The following RBFOX1 variants were observed in gnomAD, a reference collection of about 807,000 sequenced individuals.
The protein encoded by RBFOX1 is RNA binding fox-1 homolog 1.
In RBFOX1, 8 loss-of-function variants were observed where a neutral mutation model predicts 57.7. That is an observed-to-expected ratio of 0.14 (90% CI 0.08 to 0.25). The LOEUF (loss-of-function observed/expected upper bound fraction) is 0.25, where lower values mean the gene tolerates loss of function less well. Ranked by LOEUF, RBFOX1 falls within the 10% of genes least tolerant of loss-of-function variation. RBFOX1 has a pLI of 1.00. For missense variants in RBFOX1, 611 were observed against 548.5 expected, an observed-to-expected ratio of 1.11 and a Z score of -1.14; for synonymous variants, 326 against 222.4, an observed-to-expected ratio of 1.47 and a Z score of -4.15.
chr16:6,814,846 C>G (rs1402814699), intron 3 of RBFOX1, among the ~76,000 whole-genome samples: 1 of 152,036 alleles, frequency 6.6e-6, no homozygotes, highest in Non-Finnish European at 1.5e-5. Context: ...GGGTCCTGAT[C>G]CAGACGCCAA....
intron 3 of RBFOX1, among the ~76,000 whole-genome samples, chr16:5,623,870 G>C (rs1383134921): frequency 1.3e-5 from 2 of 152,116 alleles, no homozygotes; most frequent in Non-Finnish European, 2.9e-5. Context: ...TTCATATACA[G>C]TACAATTCAC....
At chr16:7,140,911 G>C (rs1003262934) in intron 4 of RBFOX1, among the ~76,000 whole-genome samples, 5 of 152,148 alleles carry the variant, frequency 3.3e-5, no homozygotes, top group African/African-American at 1.2e-4. Context: ...CTTTCCCAAA[G>C]GGATTCAAGC....
intron 2 of RBFOX1, among the ~76,000 whole-genome samples, chr16:5,591,981 T>A (rs1266048045): frequency 6.6e-6 from 1 of 152,246 alleles, no homozygotes; most frequent in African/African-American, 2.4e-5. Context: ...CCCTAGAGTC[T>A]TATAATTTCC....
intron 2 of RBFOX1, among the ~76,000 whole-genome samples, chr16:6,384,551 C>G (rs2092106278): frequency 1.3e-5 from 2 of 152,118 alleles, no homozygotes; most frequent in Non-Finnish European, 2.9e-5. Flanking sequence ...GGAGCTTACA[C>G]AATTACTTCT....
chr16:7,356,326 G>C (rs2097213791), intron 4 of RBFOX1, among the ~76,000 whole-genome samples: 1 of 152,104 alleles, frequency 6.6e-6, no homozygotes, highest in South Asian at 2.1e-4. Flanking sequence ...TGAAATGAGA[G>C]GTATGCCCCA....
intron 3 of RBFOX1, among the ~76,000 whole-genome samples, chr16:6,721,321 T>C (rs1450061531): frequency 6.6e-6 from 1 of 152,082 alleles, no homozygotes; most frequent in Non-Finnish European, 1.5e-5. Flanking sequence ...CGGGTGCCTG[T>C]AATCCCAACT....
chr16:6,128,100 A>G (rs561601430), intron 1 of RBFOX1, among the ~76,000 whole-genome samples: 1 of 152,330 alleles, frequency 6.6e-6, no homozygotes, highest in African/African-American at 2.4e-5. Context: ...AAATTGAGGC[A>G]TATCTCTAAA....
intron 4 of RBFOX1, among the ~76,000 whole-genome samples, chr16:7,154,547 A>G (rs890209793): frequency 2.0e-5 from 3 of 152,188 alleles, no homozygotes; most frequent in Non-Finnish European, 4.4e-5. Flanking sequence ...GAGTTGTTAG[A>G]TAGTCTTCCT....
intron 3 of RBFOX1, among the ~76,000 whole-genome samples, chr16:6,989,973 C>G (rs982188933): frequency 2.6e-5 from 4 of 152,118 alleles, no homozygotes; most frequent in African/African-American, 9.7e-5. Context: ...CGCACTCCAG[C>G]CTGGGTGACA....
chr16:7,146,868 T>G (rs1271996789), intron 4 of RBFOX1, among the ~76,000 whole-genome samples: 3 of 149,914 alleles, frequency 2.0e-5, no homozygotes, highest in Non-Finnish European at 4.4e-5. Flanking sequence ...GAGGATCATC[T>G]GAACCAGGAG....
At chr16:6,951,820 G>C (rs1039744673) in intron 3 of RBFOX1, among the ~76,000 whole-genome samples, 2 of 152,038 alleles carry the variant, frequency 1.3e-5, no homozygotes, top group African/African-American at 2.4e-5. Context: ...TGCAACCTCC[G>C]CCTCCTGGGT....
At chr16:7,505,162 C>T (rs888094388) in intron 4 of RBFOX1, among the ~76,000 whole-genome samples, 4 of 148,634 alleles carry the variant, frequency 2.7e-5, no homozygotes, top group African/African-American at 1.0e-4. Context: ...ATTTTGAATG[C>T]TTTTGTACAT....
chr16:5,564,999 G>C (rs1276323569), intron 2 of RBFOX1, among the ~76,000 whole-genome samples: 2 of 152,130 alleles, frequency 1.3e-5, no homozygotes, highest in Non-Finnish European at 2.9e-5. Context: ...ACTTCAAAGA[G>C]CCCTAGCCAC....
At chr16:5,736,368 C>G (rs2052571663) in intron 3 of RBFOX1, among the ~76,000 whole-genome samples, 1 of 152,106 alleles carries the variant, frequency 6.6e-6, no homozygotes, top group Admixed American at 6.5e-5. Flanking sequence ...TTTTTACTTT[C>G]CTAAAAGTGC....
intron 4 of RBFOX1, among the ~76,000 whole-genome samples, chr16:7,178,178 A>G (rs952092567): frequency 1.3e-5 from 2 of 152,232 alleles, no homozygotes; most frequent in Non-Finnish European, 2.9e-5. Flanking sequence ...TTGCTCATGC[A>G]AAGCCCACCA....
intron 4 of RBFOX1, among the ~76,000 whole-genome samples, chr16:7,222,013 T>C (rs1478570005): frequency 6.6e-6 from 1 of 152,218 alleles, no homozygotes; most frequent in East Asian, 1.9e-4. Flanking sequence ...TTACCATTAT[T>C]AGCCAGCCTG....
chr16:6,418,300 A>G (rs184992720), intron 2 of RBFOX1, among the ~76,000 whole-genome samples: 1 of 152,300 alleles, frequency 6.6e-6, no homozygotes, highest in African/African-American at 2.4e-5. Flanking sequence ...ACCACTTTGT[A>G]GAACCATTCT....
intron 4 of RBFOX1, among the ~76,000 whole-genome samples, chr16:5,897,096 C>T (rs1027662213): frequency 2.2e-5 from 3 of 139,454 alleles, no homozygotes; most frequent in East Asian, 4.5e-4. Context: ...ACTGCAGTGG[C>T]GCAATCTCGG....
chr16:6,061,560 A>T (rs2095686721), intron 1 of RBFOX1, among the ~76,000 whole-genome samples: 1 of 151,632 alleles, frequency 6.6e-6, no homozygotes, highest in African/African-American at 2.4e-5. Context: ...TTATATGATT[A>T]TACTATACAC....
Sources: allele counts gnomAD v4.1 joint callset (sites outside exome capture counted in the v4.1 genomes callset), GRCh38; gene constraint gnomAD v4.1.1; transcripts MANE v1.5; gene names NCBI Gene and HGNC (gene_info 2026-07-23, HGNC 2026-07-21).